Variants in AFF2 observed in about 807,000 individuals in gnomAD.
AFF2 encodes ALF transcription elongation factor 2.
Under a neutral mutation model 76.9 loss-of-function variants are expected in AFF2, and 14 were observed. The observed-to-expected ratio is 0.18, with a 90% confidence interval of 0.12 to 0.28. The LOEUF is 0.28. AFF2 is among the 10% of genes least tolerant of loss of function. AFF2 has a pLI of 1.00. For synonymous variants in AFF2, 398 were observed against 366.7 expected (o/e 1.09, Z -0.98); for missense variants, 868 against 1,001.1 (o/e 0.87, Z 1.79).
chrX:148,962,571 A>G (rs887998592), intron 12 of AFF2, 144 bp from the exon 13 acceptor site: 138 of 453,061 alleles, frequency 3.0e-4, no homozygotes, highest in Non-Finnish European at 4.8e-4. Context: ...CTATGTCTAT[A>G]TGCATTTTTA....
chrX:148,745,572 TA>T (rs2055411114), intron 3 of AFF2, among the ~76,000 whole-genome samples: 1 of 111,694 alleles, frequency 9.0e-6, no homozygotes, highest in African/African-American at 3.3e-5. Context: ...CAAATGTTTT[TA>T]AAAGTATCTT....
chrX:148,588,219 A>G (rs367987639), intron 1 of AFF2, among the ~76,000 whole-genome samples: 3 of 113,029 alleles, frequency 2.7e-5, no homozygotes, highest in African/African-American at 9.7e-5. Context: ...ATTTGTTCAT[A>G]TATGTAAAAT....
intron 7 of AFF2, among the ~76,000 whole-genome samples, chrX:148,854,675 T>C (rs934165594): frequency 9.0e-6 from 1 of 111,618 alleles, no homozygotes; most frequent in Admixed American, 9.5e-5. Flanking sequence ...TGAGATCATA[T>C]TGATGCTCCC....
chrX:148,605,852 A>G (rs962273571), intron 1 of AFF2, among the ~76,000 whole-genome samples: 1 of 112,465 alleles, frequency 8.9e-6, no homozygotes, highest in African/African-American at 3.2e-5. Flanking sequence ...CCAAGTCACC[A>G]TTAGTGAAAG....
intron 3 of AFF2, among the ~76,000 whole-genome samples, chrX:148,666,443 G>A (rs1425712448): frequency 9.1e-6 from 1 of 110,175 alleles, no homozygotes; most frequent in Non-Finnish European, 1.9e-5. Flanking sequence ...AAAATAGCTG[G>A]CCATGGTGGC....
At chrX:148,796,594 C>T (rs1224133183) in intron 3 of AFF2, among the ~76,000 whole-genome samples, 2 of 111,831 alleles carry the variant, frequency 1.8e-5, no homozygotes, top group Admixed American at 9.5e-5. Flanking sequence ...GACTGTCTAG[C>T]GAAATGGATT....
rs782470180 is a variant in AFF2 at position 148,992,012 on chromosome X, A to G, written c.*680A>G. ...TTTTGTTAATTTTAATGATAAGAAG[A>G]AAGGGTGACATTTATTTTGACAAGT... On this transcript the variant is annotated 3_prime_UTR_variant, in exon 21 of 21. Coordinates refer to ENST00000370460, the MANE Select transcript of AFF2 (RefSeq NM_002025.4). The G allele has an allele frequency of 2.7e-5, 3 of 112,262 alleles. No individual in the cohort carries two copies. The highest frequency in any genetic ancestry group is 6.5e-5 in the African/African-American group (2 of 30,875). 9.3% of individuals were successfully genotyped at this position (112,262 alleles called of 1,213,427 possible).
At chrX:148,917,639 G>A (rs16994814) in intron 9 of AFF2, among the ~76,000 whole-genome samples, 1,812 of 112,254 alleles carry the variant, frequency 0.016, 37 homozygotes, top group African/African-American at 0.056. Context: ...CCATTGGCCA[G>A]TAGTTGGAGA....
chrX:148,713,423 T>C (rs1557263080), intron 3 of AFF2, among the ~76,000 whole-genome samples: 1 of 111,770 alleles, frequency 8.9e-6, no homozygotes, highest in Non-Finnish European at 1.9e-5. Context: ...TGGGATTTTA[T>C]AAAACTCATG....
chrX:148,658,124 T>G (rs1266239636), intron 2 of AFF2, among the ~76,000 whole-genome samples: 1 of 111,897 alleles, frequency 8.9e-6, no homozygotes. Context: ...TGCTGATTGT[T>G]GAATGGTGAA....
intron 3 of AFF2, among the ~76,000 whole-genome samples, chrX:148,727,566 C>T (rs1236652245): frequency 9.0e-6 from 1 of 111,193 alleles, no homozygotes; most frequent in Non-Finnish European, 1.9e-5. Flanking sequence ...CTCATAGATT[C>T]TCACAATTGT....
At chrX:148,698,797 GTTT>G (rs142604433) in intron 3 of AFF2, among the ~76,000 whole-genome samples, 725 of 71,671 alleles carry the variant, frequency 0.01, 9 homozygotes, top group East Asian at 0.041. Context: ...GAGTTCTAGT[GTTT>G]TTTTTTTTTT....
At chrX:148,923,918 A>G (rs1327836577) in intron 9 of AFF2, among the ~76,000 whole-genome samples, 1 of 111,665 alleles carries the variant, frequency 9.0e-6, no homozygotes, top group Non-Finnish European at 1.9e-5. Flanking sequence ...TATTTGTTAC[A>G]GAAAAAGGAA....
intron 3 of AFF2, among the ~76,000 whole-genome samples, chrX:148,764,481 GT>G (rs782769217): frequency 1.8e-5 from 2 of 112,275 alleles, no homozygotes; most frequent in Non-Finnish European, 3.8e-5. Context: ...CCTGTTTGTT[GT>G]TTGTTCAAGA....
At chrX:148,929,528 T>C (rs2071688741) in intron 9 of AFF2, among the ~76,000 whole-genome samples, 2 of 112,217 alleles carry the variant, frequency 1.8e-5, no homozygotes, top group East Asian at 5.6e-4. Context: ...TGAAGTTCTT[T>C]CCTCAAGTGG....
At chrX:148,672,930 A>G (rs1419617799) in intron 3 of AFF2, among the ~76,000 whole-genome samples, 2 of 111,712 alleles carry the variant, frequency 1.8e-5, no homozygotes, top group Non-Finnish European at 3.8e-5. Flanking sequence ...AGGTCAGTAA[A>G]AAGTGGGTAT....
intron 1 of AFF2, among the ~76,000 whole-genome samples, chrX:148,549,774 C>T (rs2052969314): frequency 8.9e-6 from 1 of 111,952 alleles, no homozygotes; most frequent in African/African-American, 3.2e-5. Context: ...TGTTTGACCA[C>T]TCTTTGCTCT....
intron 3 of AFF2, among the ~76,000 whole-genome samples, chrX:148,757,454 T>G (rs2069387410): frequency 9.0e-6 from 1 of 111,417 alleles, no homozygotes; most frequent in South Asian, 3.7e-4. Context: ...AAAATACAAT[T>G]TAAAGCACCG....
intron 3 of AFF2, among the ~76,000 whole-genome samples, chrX:148,723,766 T>C (rs1309093450): frequency 1.8e-5 from 2 of 111,316 alleles, no homozygotes; most frequent in African/African-American, 6.5e-5. Flanking sequence ...GAGCCTGTCC[T>C]GCTGTGAGCC....
Sources: allele counts gnomAD v4.1 joint callset (sites outside exome capture counted in the v4.1 genomes callset), GRCh38; gene constraint gnomAD v4.1.1; transcripts MANE v1.5; gene names NCBI Gene and HGNC (gene_info 2026-07-23, HGNC 2026-07-21).